The following RALGAPA2 variants were observed in gnomAD, a reference collection of about 807,000 sequenced individuals.
The protein encoded by RALGAPA2 is ral GTPase-activating protein subunit alpha-2.
RALGAPA2 carries 139 observed loss-of-function variants against 230.4 expected under a neutral mutation model. That is an observed-to-expected ratio of 0.60 (90% CI 0.53 to 0.69). The LOEUF is 0.69. RALGAPA2 is among the 30% of genes least tolerant of loss of function. RALGAPA2 has a pLI of 0.00. For synonymous variants in RALGAPA2, 847 were observed against 837.8 expected (o/e 1.01, Z -0.19); for missense variants, 2,163 against 2,276.0 (o/e 0.95, Z 1.01).
intron 14 of RALGAPA2, among the ~76,000 whole-genome samples, chr20:20,605,944 C>T (rs1268547238): frequency 2.0e-5 from 3 of 152,138 alleles, no homozygotes; most frequent in African/African-American, 7.2e-5. Context: ...CCAAGAGGGG[C>T]CCCGCTCTGC....
chr20:20,629,804 T>C (rs2066611658), intron 9 of RALGAPA2, among the ~76,000 whole-genome samples: 1 of 152,208 alleles, frequency 6.6e-6, no homozygotes, highest in South Asian at 2.1e-4. Flanking sequence ...TCAGCTATTT[T>C]AAGAGGAAAA....
In RALGAPA2 at chr20:20,662,197, G is replaced by GT. The variant is rs535869575; in HGVS notation, c.271-8611dup. Among the ~76,000 whole-genome samples, 141 of 152,132 alleles carry GT rather than the reference G, an allele frequency of 9.3e-4. 5 individuals are homozygous for GT. In the South Asian group the frequency reaches 0.029, roughly 31 times the overall value. On this transcript the variant is annotated intron_variant, in intron 3 of 39. Coordinates refer to ENST00000202677, the MANE Select transcript of RALGAPA2 (RefSeq NM_020343.4). ...AAGCGATGCAAATAAATCCCTCAAA[G>GT]TAAGTGTTACACAGGTCACAAGCAA...
At chr20:20,590,812 GC>G (rs2065266467) in intron 17 of RALGAPA2, among the ~76,000 whole-genome samples, 1 of 151,628 alleles carries the variant, frequency 6.6e-6, no homozygotes, top group Non-Finnish European at 1.5e-5. Context: ...CTATGTCCCT[GC>G]CCCCATCCTG....
intron 36 of RALGAPA2, among the ~76,000 whole-genome samples, chr20:20,476,621 C>T (rs1006841422): frequency 1.3e-5 from 2 of 150,414 alleles, no homozygotes; most frequent in African/African-American, 4.9e-5. Flanking sequence ...GACAAAATTG[C>T]CACGACCTTA....
intron 5 of RALGAPA2, among the ~76,000 whole-genome samples, chr20:20,642,314 A>G (rs1443023785): frequency 2.0e-5 from 3 of 151,990 alleles, no homozygotes; most frequent in African/African-American, 7.3e-5. Context: ...AGGTGGAAGC[A>G]ATTCTCCTGC....
chr20:20,529,881 A>G (rs1269911280), intron 27 of RALGAPA2, among the ~76,000 whole-genome samples: 1 of 152,192 alleles, frequency 6.6e-6, no homozygotes, highest in Admixed American at 6.5e-5. Flanking sequence ...AGTTATTCAT[A>G]GTTTTTCCAT....
intron 6 of RALGAPA2, 74 bp from the exon 7 acceptor site, chr20:20,639,974 G>A: frequency 8.7e-7 from 1 of 1,143,774 alleles, no homozygotes; most frequent in Non-Finnish European, 1.3e-6. Flanking sequence ...TTTTAAAAAT[G>A]GTCTCTATTA....
Position 20,567,891 on chromosome 20 carries a change from AAAATAAAATAAAAT to A in RALGAPA2, c.3156+3553_3156+3566del, listed in dbSNP as rs541342873. On this transcript the variant is annotated intron_variant, in intron 23 of 39. Transcript: ENST00000202677. Reference sequence around the variant, plus strand: ...AAAATAAAATAAAATAAAATAAAATAAAATAAAATAAAATAAAATAAAATAAAATAGGCCATGGT... The same window carrying A: ...AAAATAAAATAAAATAAAATAAAATAAAAATAAAATAAAATAGGCCATGGT... Among the ~76,000 whole-genome samples, 127 of 145,888 alleles carry A rather than the reference AAAATAAAATAAAAT, an allele frequency of 8.7e-4. 3 individuals are homozygous for A. In the East Asian group the frequency reaches 0.023, roughly 26 times the overall value.
At chr20:20,476,207 A>G (rs1460872179) in intron 36 of RALGAPA2, among the ~76,000 whole-genome samples, 2 of 152,202 alleles carry the variant, frequency 1.3e-5, no homozygotes, top group African/African-American at 2.4e-5. Flanking sequence ...AGCCTTTAAA[A>G]AATATACATG....
At chr20:20,550,382 T>C (rs574034350) in intron 23 of RALGAPA2, among the ~76,000 whole-genome samples, 36 of 152,316 alleles carry the variant, frequency 2.4e-4, no homozygotes, top group African/African-American at 8.4e-4. Context: ...TTGCTAAAAA[T>C]ACCATCCTCT....
rs971177437 is a variant in RALGAPA2, at chr20:20,392,010, C to T, written c.*1279G>A. ...CAAGTGAAGTGCGGGGTGGAGCAAACCTCTAGCTCTGAGGCAGGTCAAGGG... is the reference window on the plus strand; with the variant it reads ...CAAGTGAAGTGCGGGGTGGAGCAAATCTCTAGCTCTGAGGCAGGTCAAGGG... On this transcript the variant is annotated 3_prime_UTR_variant, in exon 40 of 40. Coordinates refer to ENST00000202677, the MANE Select transcript of RALGAPA2 (RefSeq NM_020343.4). 1.3e-5 allele frequency: 2 copies of T among 152,326 alleles called. No individual in the cohort carries two copies. 9.4% of individuals were successfully genotyped at this position (152,326 alleles called of 1,614,324 possible).
chr20:20,669,951 C>T (rs1295129105), intron 3 of RALGAPA2, among the ~76,000 whole-genome samples: 1 of 152,208 alleles, frequency 6.6e-6, no homozygotes, highest in African/African-American at 2.4e-5. Flanking sequence ...TACACCAACT[C>T]TCCTTTCCCT....
chr20:20,505,108 G>C (rs1365991133), intron 34 of RALGAPA2: 1 of 985,178 alleles, frequency 1.0e-6, no homozygotes, highest in African/African-American at 1.7e-5. Flanking sequence ...TTGCTTCTCT[G>C]CCCACATTTG....
At chr20:20,656,405 A>ATT (rs1312188306) in intron 3 of RALGAPA2, among the ~76,000 whole-genome samples, 1 of 152,252 alleles carries the variant, frequency 6.6e-6, no homozygotes, top group African/African-American at 2.4e-5. Context: ...AATATTAAAT[A>ATT]AAGTGAGCTC....
chr20:20,712,576 G>T lies in RALGAPA2; in HGVS notation c.-96C>A. 1 of 1,274,226 alleles carries T rather than the reference G, an allele frequency of 7.8e-7. No individual in the cohort carries two copies. Among genetic ancestry groups the T allele is most frequent in the Non-Finnish European group, 9.9e-7 (1 of 1,008,674 alleles). The allele number at this position is 1,274,226 out of a possible 1,614,324, so 78.9% of individuals were successfully genotyped here. On this transcript the variant is annotated 5_prime_UTR_variant, in exon 1 of 40. Transcript: ENST00000202677. The surrounding 1 kb of genome is among the most constrained non-coding windows in gnomAD (Gnocchi z 5.5). Reference sequence around the variant, plus strand: ...GTCGAGGCCGGCGCGTGTCGCGCGGGCCACTCGCCGCCCCCAGCCCCGCTG... The same window carrying T: ...GTCGAGGCCGGCGCGTGTCGCGCGGTCCACTCGCCGCCCCCAGCCCCGCTG...
intron 23 of RALGAPA2, among the ~76,000 whole-genome samples, chr20:20,553,161 G>A (rs931923345): frequency 2.0e-5 from 3 of 152,180 alleles, no homozygotes; most frequent in Non-Finnish European, 2.9e-5. Context: ...TTTAACAAGT[G>A]TTGTACACAA....
In RALGAPA2 at chr20:20,473,527, A is replaced by C. The variant is rs138093523; in HGVS notation, c.5368-571T>G. Among the ~76,000 whole-genome samples the C allele has an allele frequency of 5.2e-3, 790 of 152,078 alleles. 8 individuals are homozygous for C. Among genetic ancestry groups the C allele is most frequent in the African/African-American group, 0.018 (759 of 41,482 alleles). The stretch of plus-strand genomic sequence containing the variant: ...AGACAGGGTCTCCTTCTCTCACCCA[A>C]ACTGGAGTGTAGTGGCACAATCATA... On this transcript the variant is annotated intron_variant, in intron 36 of 39. Transcript: ENST00000202677.
intron 1 of RALGAPA2, among the ~76,000 whole-genome samples, chr20:20,683,207 G>T (rs905254412): frequency 2.0e-5 from 3 of 152,152 alleles, no homozygotes; most frequent in African/African-American, 4.8e-5. Flanking sequence ...TGCTCTCCAC[G>T]GCCCTGCCTG....
intron 24 of RALGAPA2, among the ~76,000 whole-genome samples, chr20:20,546,288 A>G (rs2063772463): frequency 6.6e-6 from 1 of 152,188 alleles, no homozygotes; most frequent in Non-Finnish European, 1.5e-5. Flanking sequence ...ATTTTAAGAA[A>G]ATATTTTCTA....
Sources: allele counts gnomAD v4.1 joint callset (sites outside exome capture counted in the v4.1 genomes callset), GRCh38; gene constraint gnomAD v4.1.1; non-coding constraint Gnocchi (gnomAD v3.1); transcripts MANE v1.5; gene names NCBI Gene and HGNC (gene_info 2026-07-23, HGNC 2026-07-21).